Variants in KCNMA1 observed in about 807,000 individuals in gnomAD.
KCNMA1 encodes potassium calcium-activated channel subfamily M alpha 1.
In KCNMA1, 29 loss-of-function variants were observed where a neutral mutation model predicts 140.0. That is an observed-to-expected ratio of 0.21 (90% CI 0.15 to 0.28). The LOEUF (loss-of-function observed/expected upper bound fraction) is 0.28. Among genes scored for constraint, KCNMA1 ranks in the 10% least tolerant of loss-of-function variants. The pLI, the probability that KCNMA1 is intolerant of heterozygous loss-of-function variation, is 1.00. For missense variants in KCNMA1, 880 were observed against 1,602.2 expected, an observed-to-expected ratio of 0.55 and a Z score of 7.70; for synonymous variants, 612 against 611.9, an observed-to-expected ratio of 1.00 and a Z score of 0.00.
chr10:76,986,499 C>T (rs1174423131), intron 19 of KCNMA1, among the ~76,000 whole-genome samples: 1 of 152,230 alleles, frequency 6.6e-6, no homozygotes, highest in Admixed American at 6.5e-5. Flanking sequence ...GGCTACCACT[C>T]ACTCTGGAGA....
At chr10:76,909,097 T>G (rs1324149363) in intron 25 of KCNMA1, among the ~76,000 whole-genome samples, 1 of 152,218 alleles carries the variant, frequency 6.6e-6, no homozygotes, top group African/African-American at 2.4e-5. Context: ...TCCTCCCTCC[T>G]TCCAGCCAGG....
intron 1 of KCNMA1, among the ~76,000 whole-genome samples, chr10:77,415,113 G>T (rs975938125): frequency 6.6e-6 from 1 of 152,122 alleles, no homozygotes; most frequent in Non-Finnish European, 1.5e-5. Flanking sequence ...ATGGGCTAGG[G>T]GACGGGGATC....
chr10:77,627,429 G>A (rs891105399), intron 1 of KCNMA1, among the ~76,000 whole-genome samples: 6 of 152,146 alleles, frequency 3.9e-5, no homozygotes, highest in Non-Finnish European at 7.4e-5. Context: ...TGACAAGACC[G>A]AAGAGACCTC....
Position 77,093,368 on chromosome 10 carries a change from T to C in KCNMA1, c.1224-2858A>G, listed in dbSNP as rs568830437. Among the ~76,000 whole-genome samples, 6 of 152,328 alleles carry C rather than the reference T, an allele frequency of 3.9e-5. No homozygotes were observed. In the East Asian group the frequency reaches 1.2e-3, roughly 29 times the overall value. On this transcript the variant is annotated intron_variant, in intron 9 of 27. Transcript: ENST00000286628. ...TTGGAGAACCCATATTGTTCCAATCTGTCCTATATCTGATTTGAAGATTTA... is the reference window on the plus strand; with the variant it reads ...TTGGAGAACCCATATTGTTCCAATCCGTCCTATATCTGATTTGAAGATTTA...
chr10:77,092,703 G>A (rs1045797665), intron 9 of KCNMA1, among the ~76,000 whole-genome samples: 8 of 152,204 alleles, frequency 5.3e-5, no homozygotes, highest in Non-Finnish European at 1.2e-4. Flanking sequence ...TGTAAAGTTC[G>A]AAGTTCTATA....
chr10:76,953,178 T>C (rs2066928839), intron 21 of KCNMA1, among the ~76,000 whole-genome samples: 1 of 152,210 alleles, frequency 6.6e-6, no homozygotes, highest in Admixed American at 6.5e-5. Flanking sequence ...GTCATCATTA[T>C]GTCATGCATC....
At chr10:77,410,632 A>C (rs2096597527) in intron 1 of KCNMA1, among the ~76,000 whole-genome samples, 1 of 152,238 alleles carries the variant, frequency 6.6e-6, no homozygotes, top group South Asian at 2.1e-4. Flanking sequence ...TGGCCCATTC[A>C]GAGGACAAGT....
rs2098818591 is a variant in KCNMA1 at position 77,183,443 on chromosome 10, C to T, written c.786G>A (p.Val262=). 1 of 1,612,914 alleles carries T rather than the reference C, an allele frequency of 6.2e-7. No homozygotes were observed. The highest frequency in any genetic ancestry group is 1.3e-5 in the African/African-American group (1 of 74,900). The change falls in exon 5 of 28, where the codon GTG becomes GTA. Residue 262 remains valine, a synonymous_variant. Transcript: ENST00000286628. ...FFTVPPVFVS[V]YLNRSWLGLR... ...TACCAAGCCAACTTCTGTTTAAGTACACAGACACAAACACGGGGGGCACCG... is the reference window on the plus strand; with the variant it reads ...TACCAAGCCAACTTCTGTTTAAGTATACAGACACAAACACGGGGGGCACCG...
chr10:77,448,175 C>T (rs2097563532), intron 1 of KCNMA1, among the ~76,000 whole-genome samples: 1 of 152,126 alleles, frequency 6.6e-6, no homozygotes, highest in Non-Finnish European at 1.5e-5. Flanking sequence ...AACCTTGCAC[C>T]AGGACACCCG....
chr10:77,351,266 C>A (rs555766550), intron 2 of KCNMA1, among the ~76,000 whole-genome samples: 9 of 152,252 alleles, frequency 5.9e-5, no homozygotes, highest in African/African-American at 2.2e-4. Flanking sequence ...GAAAATGTGA[C>A]CCTTACCAAC....
chr10:77,477,558 G>GTTGC (rs2098304879), intron 1 of KCNMA1, among the ~76,000 whole-genome samples: 1 of 152,218 alleles, frequency 6.6e-6, no homozygotes, highest in Admixed American at 6.5e-5. Context: ...AGATCCTGAA[G>GTTGC]TTGCATCTTG....
At chr10:77,173,162 T>C (rs2098723320) in intron 5 of KCNMA1, among the ~76,000 whole-genome samples, 1 of 152,200 alleles carries the variant, frequency 6.6e-6, no homozygotes, top group South Asian at 2.1e-4. Flanking sequence ...TTTTATTTAT[T>C]TGGCTACTTG....
chr10:77,257,106 T>A (rs1009268729), intron 2 of KCNMA1, among the ~76,000 whole-genome samples: 2 of 152,108 alleles, frequency 1.3e-5, no homozygotes, highest in Non-Finnish European at 2.9e-5. Context: ...CAAGACCCTG[T>A]CTCACACACA....
At chr10:77,215,048 C>T (rs553493709) in intron 3 of KCNMA1, among the ~76,000 whole-genome samples, 18 of 152,258 alleles carry the variant, frequency 1.2e-4, no homozygotes, top group Non-Finnish European at 2.4e-4. Flanking sequence ...TTTCAGGTGT[C>T]ACAGACTTCT....
intron 1 of KCNMA1, among the ~76,000 whole-genome samples, chr10:77,550,382 T>C (rs1480609026): frequency 1.3e-5 from 2 of 152,192 alleles, no homozygotes; most frequent in Admixed American, 6.5e-5. Context: ...AGCTGTCCTC[T>C]TTCTGCCGCT....
intron 11 of KCNMA1, among the ~76,000 whole-genome samples, chr10:77,085,808 T>G (rs1044666990): frequency 6.6e-6 from 1 of 152,098 alleles, no homozygotes; most frequent in African/African-American, 2.4e-5. Flanking sequence ...GTACACCCCC[T>G]GGCATGCAAA....
Position 77,370,691 on chromosome 10 carries a change from A to G in KCNMA1, c.540+33171T>C, listed in dbSNP as rs1237279283. 3.0e-4 allele frequency among the ~76,000 whole-genome samples: 46 copies of G among 152,182 alleles called. 1 individual carries two copies. The highest frequency in any genetic ancestry group is 3.0e-3 in the Admixed American group (46 of 15,280). On this transcript the variant is annotated intron_variant, in intron 2 of 27. Transcript: ENST00000286628. ...TCCTCTGTGGTAGATGACCTATCCAAGTTCACACAACAGGTAACATGGAGC... is the reference window on the plus strand; with the variant it reads ...TCCTCTGTGGTAGATGACCTATCCAGGTTCACACAACAGGTAACATGGAGC...
chr10:77,465,915 G>A (rs2097994450), intron 1 of KCNMA1, among the ~76,000 whole-genome samples: 1 of 152,170 alleles, frequency 6.6e-6, no homozygotes, highest in African/African-American at 2.4e-5. Flanking sequence ...TCAGCCTATG[G>A]AGACACCCAT....
At chr10:77,558,911 T>C (rs968975781) in intron 1 of KCNMA1, among the ~76,000 whole-genome samples, 1 of 152,208 alleles carries the variant, frequency 6.6e-6, no homozygotes, top group East Asian at 1.9e-4. Context: ...AATGAGTCTT[T>C]CTTTAAAGTG....
Sources: allele counts gnomAD v4.1 joint callset (sites outside exome capture counted in the v4.1 genomes callset), GRCh38; gene constraint gnomAD v4.1.1; transcripts MANE v1.5; gene names NCBI Gene and HGNC (gene_info 2026-07-23, HGNC 2026-07-21).